Variants in PPP2R3A observed in about 807,000 individuals in gnomAD.
PPP2R3A encodes serine/threonine-protein phosphatase 2A regulatory subunit B'' subunit alpha.
Under a neutral mutation model 106.9 loss-of-function variants are expected in PPP2R3A, and 80 were observed. The observed-to-expected ratio is 0.75, with a 90% CI of 0.62 to 0.90. The LOEUF (loss-of-function observed/expected upper bound fraction) is 0.90, where lower values mean the gene tolerates loss of function less well. Ranked by LOEUF, PPP2R3A falls within the 40% of genes least tolerant of loss-of-function variation. The pLI is 0.00. For missense variants in PPP2R3A, 1,386 were observed against 1,350.4 expected, an observed-to-expected ratio of 1.03 and a Z score of -0.41; for synonymous variants, 483 against 468.3, an observed-to-expected ratio of 1.03 and a Z score of -0.41.
intron 9 of PPP2R3A, among the ~76,000 whole-genome samples, chr3:136,089,620 TA>T (rs891885941): frequency 1.3e-4 from 20 of 151,108 alleles, no homozygotes; most frequent in East Asian, 5.8e-4. Flanking sequence ...TTTTTTTTCT[TA>T]AAAAAAAACT....
chr3:136,072,771 G>A (rs1459805817), intron 6 of PPP2R3A, among the ~76,000 whole-genome samples: 3 of 152,166 alleles, frequency 2.0e-5, no homozygotes, highest in Admixed American at 6.5e-5. Context: ...AGTCCAAACT[G>A]TTGGCATGTA....
chr3:136,136,089 T>C (rs1234554520), intron 13 of PPP2R3A, among the ~76,000 whole-genome samples: 1 of 125,262 alleles, frequency 8.0e-6, no homozygotes, highest in African/African-American at 3.2e-5. Context: ...TATATATATA[T>C]ATATAAAAAA....
intron 5 of PPP2R3A, among the ~76,000 whole-genome samples, chr3:136,056,468 C>A (rs1327157062): frequency 1.6e-5 from 2 of 125,414 alleles, no homozygotes; most frequent in East Asian, 2.0e-4. Flanking sequence ...TTTTTATAAA[C>A]CTAAAACTAT....
At chr3:135,988,912 G>A (rs536389374) in intron 1 of PPP2R3A, among the ~76,000 whole-genome samples, 1 of 152,082 alleles carries the variant, frequency 6.6e-6, no homozygotes, top group Non-Finnish European at 1.5e-5. Context: ...GGCACCTATT[G>A]ATTATCTCAC....
At position 136,146,743 on chromosome 3, in the gene PPP2R3A, A is replaced by G. The variant is rs1939142332; in HGVS notation, c.*1577A>G. 2 of 152,204 alleles carry G rather than the reference A, an allele frequency of 1.3e-5. No individual in the cohort carries two copies. Among genetic ancestry groups the G allele is most frequent in the African/African-American group, 4.8e-5 (2 of 41,450 alleles). The allele number at this position is 152,204 out of a possible 1,614,324, so 9.4% of individuals were successfully genotyped here. A position where few individuals can be genotyped will look rare whatever the true frequency, so the allele number is the denominator to read the frequency against. ...ATAATTTTTAGGAAACACAATATTCAAAATCTAAACACACTGATAAATTAT... is the reference window on the plus strand; with the variant it reads ...ATAATTTTTAGGAAACACAATATTCGAAATCTAAACACACTGATAAATTAT... On this transcript the variant is annotated 3_prime_UTR_variant, in exon 14 of 14. Transcript: ENST00000264977.
Position 136,053,613 on chromosome 3 carries a change from A to T in PPP2R3A, c.2469+4252A>T, listed in dbSNP as rs115789343. Among the ~76,000 whole-genome samples, 641 of 152,370 alleles carry T rather than the reference A, an allele frequency of 4.2e-3. 7 individuals are homozygous for T. The highest frequency in any genetic ancestry group is 0.014 in the African/African-American group (584 of 41,584). ...AAATATAAAGTGCAGCCTGACATTTATTCACAAGCATAAACACACTAACAA... is the reference window on the plus strand; with the variant it reads ...AAATATAAAGTGCAGCCTGACATTTTTTCACAAGCATAAACACACTAACAA... On this transcript the variant is annotated intron_variant, in intron 5 of 13. Coordinates refer to ENST00000264977, the MANE Select transcript of PPP2R3A (RefSeq NM_002718.5).
chr3:136,063,979 G>A (rs1435566684), intron 5 of PPP2R3A, among the ~76,000 whole-genome samples: 1 of 150,840 alleles, frequency 6.6e-6, no homozygotes, highest in Non-Finnish European at 1.5e-5. Context: ...TATGTTTATT[G>A]CGGCACTATT....
chr3:135,988,943 T>A (rs1274621699), intron 1 of PPP2R3A, among the ~76,000 whole-genome samples: 1 of 152,162 alleles, frequency 6.6e-6, no homozygotes. Flanking sequence ...GCCAAGTTTG[T>A]CTAACGTGTT....
chr3:136,085,446 C>T (rs1170304140), intron 8 of PPP2R3A, among the ~76,000 whole-genome samples: 1 of 152,094 alleles, frequency 6.6e-6, no homozygotes, highest in East Asian at 1.9e-4. Context: ...TTATTAGCAG[C>T]GTGAGAACAG....
Position 136,001,703 on chromosome 3 carries a change from A to G in PPP2R3A, c.205A>G (p.Asn69Asp). 1 of 1,614,088 alleles carries G rather than the reference A, an allele frequency of 6.2e-7. No individual in the cohort carries two copies. Among genetic ancestry groups the G allele is most frequent in the Non-Finnish European group, 8.5e-7 (1 of 1,179,984 alleles). Residue 69 changes from asparagine to aspartate, a missense_variant, in exon 2 of 14, where the codon AAC becomes GAC. By Grantham distance (23) the Asn-to-Asp change is conservative. Transcript: ENST00000264977. ...GTCTCAGTTCAAAGATGCAGATCTG[A>G]ACTCTATGTTTCTACCCCATGAAAA... ...PVSQFKDADL[N>D]SMFLPHENGL...
intron 10 of PPP2R3A, among the ~76,000 whole-genome samples, chr3:136,092,054 T>G (rs1031271969): frequency 1.3e-5 from 2 of 152,156 alleles, no homozygotes; most frequent in Non-Finnish European, 2.9e-5. Context: ...TCAGCTGGGT[T>G]GCAGTGGCTC....
chr3:136,083,947 A>G (rs538220324), intron 8 of PPP2R3A, among the ~76,000 whole-genome samples: 1 of 152,370 alleles, frequency 6.6e-6, no homozygotes, highest in Admixed American at 6.5e-5. Context: ...GCAGCAAAGC[A>G]TTCAAGAAGT....
Position 136,146,892 on chromosome 3 carries a change from A to G in PPP2R3A, c.*1726A>G, listed in dbSNP as rs1281799470. 1 of 152,036 alleles carries G rather than the reference A, an allele frequency of 6.6e-6. No homozygotes were observed. The highest frequency in any genetic ancestry group is 2.4e-5 in the African/African-American group (1 of 41,512). The allele number at this position is 152,036 out of a possible 1,614,324, so 9.4% of individuals were successfully genotyped here. A position where few individuals can be genotyped will look rare whatever the true frequency, so the allele number is the denominator to read the frequency against. On this transcript the variant is annotated 3_prime_UTR_variant, in exon 14 of 14. Coordinates refer to ENST00000264977, the MANE Select transcript of PPP2R3A (RefSeq NM_002718.5). ...CAAAAAAAAAAAAAATACTTTTCTT[A>G]GAAGCCAGATATGGTTTAAATGTTT...
chr3:135,976,525 G>A (rs2107752849), intron 1 of PPP2R3A, among the ~76,000 whole-genome samples: 1 of 152,206 alleles, frequency 6.6e-6, no homozygotes, highest in South Asian at 2.1e-4. Flanking sequence ...CAACATAACA[G>A]GTGCTTGCCT....
At position 136,002,400 on chromosome 3, in the gene PPP2R3A, A is replaced by G. The variant is rs773460783; in HGVS notation, c.902A>G (p.Asn301Ser). The G allele has an allele frequency of 6.2e-7, 1 of 1,614,062 alleles. No individual in the cohort carries two copies. The highest frequency in any genetic ancestry group is 1.1e-5 in the South Asian group (1 of 91,082). Residue 301 changes from asparagine (N) to serine (S), a missense_variant, in exon 2 of 14, where the codon AAT becomes AGT. Asn to Ser is a conservative substitution (Grantham distance 46). Transcript: ENST00000264977. ...CCATTTGAATTCATGCAGTCTGGGA[A>G]TAATGAGGCTCTAGATTTAACAGAA... Reference protein sequence around the residue: ...KLPFEFMQSGNNEALDLTELI... With the variant: ...KLPFEFMQSGSNEALDLTELI...
rs1939072293 is a variant in PPP2R3A at position 136,145,241 on chromosome 3, A to T, written c.*75A>T. 6.7e-7 allele frequency: 1 copy of T among 1,501,266 alleles called. No homozygotes were observed. The allele number at this position is 1,501,266 out of a possible 1,614,324, so 93.0% of individuals were successfully genotyped here. A position where few individuals can be genotyped will look rare whatever the true frequency, so the allele number is the denominator to read the frequency against. On this transcript the variant is annotated 3_prime_UTR_variant, in exon 14 of 14. Transcript: ENST00000264977. Reference sequence around the variant, plus strand: ...CTTGTGAAGAGATGTTCTCGTTTGCATACTGCTTTTTAAAGACTTTGATTT... The same window carrying T: ...CTTGTGAAGAGATGTTCTCGTTTGCTTACTGCTTTTTAAAGACTTTGATTT...
At chr3:136,009,852 A>G (rs1196654107) in intron 2 of PPP2R3A, among the ~76,000 whole-genome samples, 1 of 152,120 alleles carries the variant, frequency 6.6e-6, no homozygotes, top group East Asian at 1.9e-4. Context: ...AACAGCTCCA[A>G]CTCAGATTAA....
At chr3:136,027,284 T>A (rs1934701869) in intron 3 of PPP2R3A, among the ~76,000 whole-genome samples, 186 bp downstream of exon 3, 1 of 152,038 alleles carries the variant, frequency 6.6e-6, no homozygotes, top group Non-Finnish European at 1.5e-5. Context: ...AATATAAGAA[T>A]CCCTTCCAAG....
chr3:136,033,765 T>C (rs1934987973), intron 3 of PPP2R3A, among the ~76,000 whole-genome samples: 1 of 152,128 alleles, frequency 6.6e-6, no homozygotes, highest in African/African-American at 2.4e-5. Flanking sequence ...CTTATTTGGA[T>C]TTTCTCTCTT....
Sources: gnomAD v4.1 joint callset for allele counts (sites outside exome capture counted in the v4.1 genomes callset) on GRCh38, gnomAD v4.1.1 for gene constraint, MANE v1.5 for transcripts, NCBI Gene and HGNC (gene_info 2026-07-23, HGNC 2026-07-21) for gene names.